The following CACNA1E variants were observed in gnomAD, a reference collection of about 807,000 sequenced individuals.
The protein encoded by CACNA1E is voltage-dependent R-type calcium channel subunit alpha-1E.
A neutral mutation model predicts 259.2 loss-of-function variants in CACNA1E; 40 were observed. That is an observed-to-expected ratio of 0.15 (90% confidence interval 0.12 to 0.20). The LOEUF is 0.20. Among genes scored for constraint, CACNA1E ranks in the 10% least tolerant of loss-of-function variants. The probability of loss-of-function intolerance (pLI) is 1.00; values close to 1 mark genes in which losing one functional copy is unlikely to be tolerated. For missense variants in CACNA1E, 1,874 were observed against 3,040.1 expected (o/e 0.62, Z 9.02); for synonymous variants, 1,104 against 1,138.5 (o/e 0.97, Z 0.61).
intron 3 of CACNA1E, among the ~76,000 whole-genome samples, chr1:181,552,696 G>T (rs935445787): frequency 1.2e-4 from 19 of 152,196 alleles, no homozygotes; most frequent in African/African-American, 3.4e-4. Context: ...GAACGTGCAG[G>T]TTTGTTACAT....
intron 1 of CACNA1E, among the ~76,000 whole-genome samples, chr1:181,325,364 T>C (rs2102574667): frequency 6.6e-6 from 1 of 152,212 alleles, no homozygotes. Context: ...ACAAGACCAG[T>C]CTGGGGGTAC....
At chr1:181,756,394 C>T (rs190220231) in intron 29 of CACNA1E, among the ~76,000 whole-genome samples, 43 of 152,238 alleles carry the variant, frequency 2.8e-4, no homozygotes, top group African/African-American at 1.0e-3. Context: ...GCCCTGTACC[C>T]ATAAGGAGAA....
intron 3 of CACNA1E, among the ~76,000 whole-genome samples, chr1:181,516,741 T>A (rs1371713254): frequency 2.0e-5 from 3 of 152,230 alleles, no homozygotes; most frequent in Non-Finnish European, 4.4e-5. Flanking sequence ...TTTTCCATTG[T>A]ATGTTAAAGT....
chr1:181,517,170 A>T (rs535594986), intron 3 of CACNA1E, among the ~76,000 whole-genome samples: 1 of 152,340 alleles, frequency 6.6e-6, no homozygotes, highest in East Asian at 1.9e-4. Context: ...GAAAGAAGTC[A>T]CATTTAAACA....
chr1:181,539,465 A>G (rs16857599), intron 3 of CACNA1E, among the ~76,000 whole-genome samples: 35,648 of 152,022 alleles, frequency 0.23, 4,641 homozygotes, highest in African/African-American at 0.34. Flanking sequence ...TTTCAAGGAT[A>G]CCTTTAAGGC....
chr1:181,347,121 G>T (rs539981361), intron 1 of CACNA1E, among the ~76,000 whole-genome samples: 2 of 152,270 alleles, frequency 1.3e-5, no homozygotes, highest in African/African-American at 4.8e-5. Flanking sequence ...CCTGCATTCA[G>T]ATCCCGTGCC....
At chr1:181,489,510 G>A (rs1254954650) in intron 1 of CACNA1E, among the ~76,000 whole-genome samples, 1 of 152,130 alleles carries the variant, frequency 6.6e-6, no homozygotes, top group Non-Finnish European at 1.5e-5. Flanking sequence ...AAGGAAGCTG[G>A]GGAGAAATCT....
intron 1 of CACNA1E, among the ~76,000 whole-genome samples, chr1:181,509,780 G>C (rs936936696): frequency 6.6e-6 from 1 of 152,188 alleles, no homozygotes; most frequent in Admixed American, 6.5e-5. Context: ...GGACTTTGCT[G>C]TCCAGGATTC....
intron 1 of CACNA1E, among the ~76,000 whole-genome samples, chr1:181,354,730 G>A (rs1056310204): frequency 1.4e-4 from 21 of 152,176 alleles, no homozygotes; most frequent in African/African-American, 3.9e-4. Flanking sequence ...CCTTGGTTCC[G>A]GGAAGGTTTT....
chr1:181,746,567 A>G (rs1657103805), intron 25 of CACNA1E, among the ~76,000 whole-genome samples: 1 of 152,156 alleles, frequency 6.6e-6, no homozygotes, highest in Non-Finnish European at 1.5e-5. Context: ...ATCTCTCCTC[A>G]ACCTACAGAT....
chr1:181,519,289 T>C (rs1335583478), intron 3 of CACNA1E, among the ~76,000 whole-genome samples: 1 of 152,222 alleles, frequency 6.6e-6, no homozygotes, highest in Non-Finnish European at 1.5e-5. Context: ...TGTGTCTATG[T>C]TGTAAATGTA....
chr1:181,751,324 A>G (rs1443998516), intron 26 of CACNA1E, among the ~76,000 whole-genome samples: 1 of 152,230 alleles, frequency 6.6e-6, no homozygotes, highest in Non-Finnish European at 1.5e-5. Context: ...GAGGCTGACT[A>G]GGGAGGATCA....
Position 181,715,410 on chromosome 1 carries a change from G to T in CACNA1E, c.1225+19G>T. On this transcript the variant is annotated intron_variant, in intron 9 of 47. Transcript: ENST00000367573. ...TTAGAAGGTAAGGAAATGTTCTGAT[G>T]CCTTATTCCAGTTGCATTTGCCCCT... The T allele has an allele frequency of 6.6e-7, 1 of 1,510,082 alleles. No homozygotes were observed. Among genetic ancestry groups the T allele is most frequent in the Non-Finnish European group, 9.2e-7 (1 of 1,091,080 alleles). The allele number at this position is 1,510,082 out of a possible 1,614,324, so 93.5% of individuals were successfully genotyped here.
At chr1:181,681,325 G>A (rs1649949557) in intron 7 of CACNA1E, among the ~76,000 whole-genome samples, 1 of 152,162 alleles carries the variant, frequency 6.6e-6, no homozygotes, top group Non-Finnish European at 1.5e-5. Context: ...TTCAAGCTTA[G>A]CATCCCACAA....
upstream of CACNA1E, among the ~76,000 whole-genome samples, chr1:181,481,640 T>C (rs1169615895): frequency 6.6e-6 from 1 of 152,146 alleles, no homozygotes; most frequent in Admixed American, 6.5e-5. Context: ...GGCCTATGTG[T>C]TGAGCCAAGG....
Position 181,755,965 on chromosome 1 carries a change from T to A in CACNA1E, c.3999T>A (p.Tyr1333Ter), listed in dbSNP as rs571643478. 6.2e-7 allele frequency: 1 copy of A among 1,613,810 alleles called. No individual in the cohort carries two copies. Among genetic ancestry groups the A allele is most frequent in the East Asian group, 2.2e-5 (1 of 44,874 alleles). Residue 1333 changes from tyrosine (Y) to a stop codon, truncating the protein, a stop_gained, in exon 29 of 48, where the codon TAT becomes TAA. Transcript: ENST00000367573. LOFTEE classifies it high-confidence loss of function. ...TCTGCTCTGGTTTTAGAGGCAACTA[T>A]GTAGATCATGAGAAAAACAAGATGG... Reference protein sequence around the residue: ...KDTEKECIGNYVDHEKNKMEV... With the variant: ...KDTEKECIGN
intron 1 of CACNA1E, among the ~76,000 whole-genome samples, chr1:181,342,642 G>T (rs1006134474): frequency 1.3e-5 from 2 of 152,134 alleles, no homozygotes; most frequent in East Asian, 3.9e-4. Context: ...CCAGACTAGA[G>T]CTTTTAGGGA....
chr1:181,657,968 G>T (rs1220182700), intron 7 of CACNA1E, among the ~76,000 whole-genome samples: 2 of 152,124 alleles, frequency 1.3e-5, no homozygotes, highest in Non-Finnish European at 2.9e-5. Flanking sequence ...CATAACTCTG[G>T]CCCCCAGAGA....
chr1:181,722,829 C>T (rs537333698), intron 16 of CACNA1E, among the ~76,000 whole-genome samples: 60 of 152,246 alleles, frequency 3.9e-4, no homozygotes, highest in African/African-American at 1.4e-3. Flanking sequence ...GTTTTCTACC[C>T]TGAAAACATC....
Sources: gnomAD v4.1 joint callset for allele counts (sites outside exome capture counted in the v4.1 genomes callset) on GRCh38, gnomAD v4.1.1 for gene constraint, MANE v1.5 for transcripts, NCBI Gene and HGNC (gene_info 2026-07-23, HGNC 2026-07-21) for gene names.